The following MEIS2 variants were observed in gnomAD, a reference collection of about 807,000 sequenced individuals.
MEIS2 encodes Meis homeobox 2.
Under a neutral mutation model 58.6 loss-of-function variants are expected in MEIS2, and 9 were observed. The ratio of observed to expected loss-of-function variants is 0.15; its 90% CI spans 0.09 to 0.27. The LOEUF (loss-of-function observed/expected upper bound fraction) is 0.27, where lower values mean the gene tolerates loss of function less well. Among genes scored for constraint, MEIS2 ranks in the 10% least tolerant of loss-of-function variants. The pLI is 1.00. For synonymous variants in MEIS2, 221 were observed against 228.4 expected, an observed-to-expected ratio of 0.97 and a Z score of 0.29; for missense variants, 427 against 635.0, an observed-to-expected ratio of 0.67 and a Z score of 3.52.
intron 9 of MEIS2, among the ~76,000 whole-genome samples, chr15:36,927,769 T>C (rs2057805805): frequency 6.6e-6 from 1 of 152,184 alleles, no homozygotes; most frequent in Non-Finnish European, 1.5e-5. Flanking sequence ...AAATAATGTC[T>C]GTTCCCTTCT....
At chr15:36,979,229 A>G (rs2059853792) in intron 8 of MEIS2, among the ~76,000 whole-genome samples, 1 of 152,226 alleles carries the variant, frequency 6.6e-6, no homozygotes. Context: ...CCTTCAGGAT[A>G]TTTGAATAAA....
chr15:36,984,407 T>C (rs1283095887), intron 8 of MEIS2, among the ~76,000 whole-genome samples: 3 of 152,158 alleles, frequency 2.0e-5, no homozygotes, highest in African/African-American at 7.2e-5. Context: ...TTGATTTACA[T>C]GTGTTGAACC....
At chr15:37,023,911 CTTTTTTTTT>C (rs35244111) in intron 8 of MEIS2, among the ~76,000 whole-genome samples, 3 of 101,536 alleles carry the variant, frequency 3.0e-5, no homozygotes, top group African/African-American at 1.2e-4. Flanking sequence ...TTTTCTCTCT[CTTTTTTTTT>C]TTTTTTTTTT....
intron 8 of MEIS2, among the ~76,000 whole-genome samples, chr15:36,976,468 G>GTATAT (rs920723407): frequency 3.2e-4 from 48 of 148,680 alleles, no homozygotes; most frequent in African/African-American, 1.2e-3. Flanking sequence ...ATATCCATAT[G>GTATAT]TATATTATAT....
At chr15:36,948,440 C>A (rs766478005) in intron 9 of MEIS2, among the ~76,000 whole-genome samples, 1 of 151,882 alleles carries the variant, frequency 6.6e-6, no homozygotes, top group South Asian at 2.1e-4. Flanking sequence ...AAGAGTATAT[C>A]AAAAACTATA....
chr15:36,969,444 A>G (rs2059460256), intron 8 of MEIS2, among the ~76,000 whole-genome samples: 1 of 152,182 alleles, frequency 6.6e-6, no homozygotes, highest in South Asian at 2.1e-4. Flanking sequence ...TTCAAACACG[A>G]AAGTGTTTTT....
chr15:37,098,424 G>GAC, intron 1 of MEIS2: 1 of 1,105,280 alleles, frequency 9.0e-7, no homozygotes, highest in Non-Finnish European at 1.1e-6. Flanking sequence ...GAGAGAGAGA[G>GAC]AAAATAAAAA....
At chr15:36,953,811 AGATAGTGACCTTAG>A (rs2058851919) in intron 8 of MEIS2, among the ~76,000 whole-genome samples, 1 of 152,206 alleles carries the variant, frequency 6.6e-6, no homozygotes, top group South Asian at 2.1e-4. Context: ...TCTTTATTCA[AGATAGTGACCTTAG>A]GCCTTCTTCT....
At chr15:37,074,511 G>C (rs1891118099) in intron 7 of MEIS2, among the ~76,000 whole-genome samples, 1 of 151,874 alleles carries the variant, frequency 6.6e-6, no homozygotes, top group African/African-American at 2.4e-5. Flanking sequence ...TCTGGAGCTT[G>C]GATTTAAAAG....
At chr15:36,989,524 G>T (rs775872457) in intron 8 of MEIS2, among the ~76,000 whole-genome samples, 1 of 152,082 alleles carries the variant, frequency 6.6e-6, no homozygotes, top group African/African-American at 2.4e-5. Flanking sequence ...GGGTCAGCTC[G>T]GACTACAACT....
chr15:36,978,144 A>G (rs1373556024), intron 8 of MEIS2, among the ~76,000 whole-genome samples: 1 of 152,240 alleles, frequency 6.6e-6, no homozygotes, highest in Non-Finnish European at 1.5e-5. Context: ...CAATTAATCC[A>G]TGTTTCTTCT....
intron 9 of MEIS2, chr15:36,897,909 A>G (rs146095383): frequency 6.6e-6 from 1 of 152,258 alleles, no homozygotes; most frequent in Non-Finnish European, 1.5e-5. Context: ...GTGTGCTGGC[A>G]GCTCTGTGTT....
intron 7 of MEIS2, among the ~76,000 whole-genome samples, chr15:37,077,355 A>G (rs1156933565): frequency 1.3e-5 from 2 of 151,998 alleles, no homozygotes; most frequent in Non-Finnish European, 2.9e-5. Flanking sequence ...CCCCCTACCC[A>G]ATCCATTTTG....
intron 8 of MEIS2, 133 bp from the exon 9 acceptor site, chr15:36,950,533 T>C (rs1423913609): frequency 7.2e-6 from 6 of 828,724 alleles, no homozygotes; most frequent in Non-Finnish European, 1.1e-5. Flanking sequence ...TTTTTTATCA[T>C]GTGTTGAGAA....
chr15:36,978,848 G>A (rs2141497781), intron 8 of MEIS2, among the ~76,000 whole-genome samples: 1 of 152,180 alleles, frequency 6.6e-6, no homozygotes, highest in East Asian at 1.9e-4. Flanking sequence ...ACCATGATTT[G>A]TCAAATTTGT....
chr15:36,916,296 G>A lies in MEIS2; in HGVS notation c.978-19610C>T, dbSNP rs544617966. On this transcript the variant is annotated intron_variant, in intron 9 of 11. Transcript: ENST00000561208. ...CAAAAAATTAGCTGGGCGTGGTGGCGGGCGCCTGCAGTCCCAACTACGCAG... is the reference window on the plus strand; with the variant it reads ...CAAAAAATTAGCTGGGCGTGGTGGCAGGCGCCTGCAGTCCCAACTACGCAG... Among the ~76,000 whole-genome samples the A allele has an allele frequency of 6.6e-5, 10 of 151,954 alleles. No individual in the cohort carries two copies. The South Asian group carries it at 1.0e-3, about 16-fold the overall frequency.
intron 8 of MEIS2, among the ~76,000 whole-genome samples, chr15:36,966,112 GC>G: frequency 6.6e-6 from 1 of 152,238 alleles, no homozygotes; most frequent in African/African-American, 2.4e-5. Flanking sequence ...TGGGAATTTG[GC>G]CAGGACGCTG....
chr15:36,973,103 GCCTCAGTTTGCTCA>G (rs1451323450), intron 8 of MEIS2, among the ~76,000 whole-genome samples: 2 of 152,188 alleles, frequency 1.3e-5, no homozygotes, highest in Non-Finnish European at 2.9e-5. Flanking sequence ...ATCTCTCTAA[GCCTCAGTTTGCTCA>G]TCTATAAAAT....
intron 8 of MEIS2, among the ~76,000 whole-genome samples, chr15:36,969,911 C>T (rs3099886): frequency 0.74 from 111,433 of 151,564 alleles, 40,905 homozygotes; most frequent in South Asian, 0.76. Context: ...TTTTTCTTTT[C>T]GCAAAAAAAG....
Sources: allele counts gnomAD v4.1 joint callset (sites outside exome capture counted in the v4.1 genomes callset), GRCh38; gene constraint gnomAD v4.1.1; transcripts MANE v1.5; gene names NCBI Gene and HGNC (gene_info 2026-07-23, HGNC 2026-07-21).